CREB5: variants seen among roughly 807,000 people sequenced by gnomAD.
CREB5 encodes the protein cyclic AMP-responsive element-binding protein 5.
Under a neutral mutation model 57.1 loss-of-function variants are expected in CREB5, and 19 were observed. The ratio of observed to expected loss-of-function variants is 0.33; its 90% CI spans 0.23 to 0.49. The LOEUF (loss-of-function observed/expected upper bound fraction) is 0.49. Ranked by LOEUF, CREB5 falls within the 20% of genes least tolerant of loss-of-function variation. CREB5 has a pLI of 0.99. For synonymous variants in CREB5, 238 were observed against 238.3 expected, an observed-to-expected ratio of 1.00 and a Z score of 0.01; for missense variants, 579 against 671.6, an observed-to-expected ratio of 0.86 and a Z score of 1.52.
chr7:28,625,375 G>A (rs2128689022), intron 5 of CREB5, among the ~76,000 whole-genome samples: 1 of 152,274 alleles, frequency 6.6e-6, no homozygotes, highest in East Asian at 1.9e-4. Flanking sequence ...ACTACGGGAA[G>A]TGCAAAGGAC....
chr7:28,639,919 A>T (rs147180977), intron 5 of CREB5, among the ~76,000 whole-genome samples: 43 of 152,288 alleles, frequency 2.8e-4, no homozygotes, highest in African/African-American at 9.4e-4. Flanking sequence ...GCAAAAAATG[A>T]CGGCACACAC....
At chr7:28,385,951 T>A (rs1395097089) in intron 1 of CREB5, among the ~76,000 whole-genome samples, 1 of 152,042 alleles carries the variant, frequency 6.6e-6, no homozygotes, top group African/African-American at 2.4e-5. Flanking sequence ...AATGGCTCCA[T>A]CTTATCTGAT....
chr7:28,311,864 C>T (rs59145085), intron 1 of CREB5, among the ~76,000 whole-genome samples: 4,484 of 152,222 alleles, frequency 0.029, 203 homozygotes, highest in African/African-American at 0.098. Flanking sequence ...CTGTCTCTGC[C>T]GTCTGCACTC....
At chr7:28,575,404 C>T (rs1386087778) in intron 5 of CREB5, among the ~76,000 whole-genome samples, 1 of 152,126 alleles carries the variant, frequency 6.6e-6, no homozygotes, top group Non-Finnish European at 1.5e-5. Context: ...TTAAAGAAGA[C>T]CTAAATGACA....
At chr7:28,447,810 C>A (rs745710967) in intron 1 of CREB5, among the ~76,000 whole-genome samples, 11 of 152,184 alleles carry the variant, frequency 7.2e-5, no homozygotes, top group Non-Finnish European at 1.3e-4. Context: ...TCAGGCTTTC[C>A]CTTCTTCCCA....
chr7:28,686,053 C>A, intron 5 of CREB5: 1 of 1,411,254 alleles, frequency 7.1e-7, no homozygotes, highest in Non-Finnish European at 9.9e-7. Context: ...CAGCACATTA[C>A]ATCATCGCTT....
intron 1 of CREB5, among the ~76,000 whole-genome samples, chr7:28,366,437 C>T (rs1173146756): frequency 1.3e-5 from 2 of 152,076 alleles, no homozygotes; most frequent in African/African-American, 4.8e-5. Flanking sequence ...TGTGAGGATA[C>T]TACTACTTAT....
At chr7:28,349,410 AT>A (rs1457404384) in intron 1 of CREB5, among the ~76,000 whole-genome samples, 1 of 151,814 alleles carries the variant, frequency 6.6e-6, no homozygotes, top group Non-Finnish European at 1.5e-5. Context: ...TTAAAATTCA[AT>A]TTTTGATACA....
At chr7:28,672,360 CAT>C (rs1230615493) in intron 5 of CREB5, among the ~76,000 whole-genome samples, 1 of 151,990 alleles carries the variant, frequency 6.6e-6, no homozygotes, top group African/African-American at 2.4e-5. Flanking sequence ...CTTTGTAACA[CAT>C]ATAAATTGGT....
rs150146905 is a variant in CREB5 at position 28,809,081 on chromosome 7, C to T, written c.1027-106C>T. 7.9e-5 allele frequency: 80 copies of T among 1,018,462 alleles called. 1 individual carries two copies. In the East Asian group the frequency reaches 1.4e-3, roughly 18 times the overall value. The allele number at this position is 1,018,462 out of a possible 1,614,324, so 63.1% of individuals were successfully genotyped here. On this transcript the variant is annotated intron_variant, in intron 8 of 10. Coordinates refer to ENST00000357727, the MANE Select transcript of CREB5 (RefSeq NM_182898.4). ...GGCAAGTCTCATATGCTGACTGAAA[C>T]GATAGACTTTCTGTGCTTTGCTTTT...
In CREB5 at chr7:28,809,178, G is replaced by A; in HGVS notation, c.1027-9G>A. On this transcript the variant is annotated splice_polypyrimidine_tract_variant and intron_variant, in intron 8 of 10. Coordinates refer to ENST00000357727, the MANE Select transcript of CREB5 (RefSeq NM_182898.4). ...ATCCCCATCACCTCCTCCCTCTCTGGCCCAGCAGGTTTCACCAGCAACACA... is the reference window on the plus strand; with the variant it reads ...ATCCCCATCACCTCCTCCCTCTCTGACCCAGCAGGTTTCACCAGCAACACA... 7 of 1,604,512 alleles carry A rather than the reference G, an allele frequency of 4.4e-6. No individual in the cohort carries two copies. Among genetic ancestry groups the A allele is most frequent in the Non-Finnish European group, 6.0e-6 (7 of 1,174,236 alleles).
At position 28,816,597 on chromosome 7, in the gene CREB5, G is replaced by A. The variant is rs149758434; in HGVS notation, c.1255-1474G>A. On this transcript the variant is annotated intron_variant, in intron 9 of 10. Coordinates refer to ENST00000357727, the MANE Select transcript of CREB5 (RefSeq NM_182898.4). The stretch of plus-strand genomic sequence containing the variant: ...TTATTTTATTATTTTTGTTATTAAT[G>A]TTACTCAATATGTGGTTGCTTATAA... 4.9e-3 allele frequency among the ~76,000 whole-genome samples: 717 copies of A among 147,210 alleles called. 6 individuals are homozygous for A. The highest frequency in any genetic ancestry group is 0.016 in the African/African-American group (648 of 39,702).
chr7:28,808,712 C>CTTTTTTT lies in CREB5; in HGVS notation c.1027-452_1027-446dup, dbSNP rs59374546. Among the ~76,000 whole-genome samples the CTTTTTTT allele has an allele frequency of 5.8e-4, 48 of 83,198 alleles. 4 individuals are homozygous for CTTTTTTT. Among genetic ancestry groups the CTTTTTTT allele is most frequent in the Non-Finnish European group, 7.1e-4 (34 of 47,554 alleles). The allele number at this position is 83,198 out of a possible 152,430, so 54.6% of individuals were successfully genotyped here. On this transcript the variant is annotated intron_variant, in intron 8 of 10. Transcript: ENST00000357727. The stretch of plus-strand genomic sequence containing the variant: ...CGCCACCATGCCTGGCCAATTTTTC[C>CTTTTTTT]TTTTTTTTTTTTTTTTTTTTTTTTT...
At position 28,436,377 on chromosome 7, in the gene CREB5, G is replaced by A. The variant is rs576729538; in HGVS notation, c.3+23460G>A. On this transcript the variant is annotated intron_variant, in intron 1 of 10. Coordinates refer to ENST00000357727, the MANE Select transcript of CREB5 (RefSeq NM_182898.4). ...GTGTTTAGCCTGTGTGTGTTTGCCC[G>A]AAAACAGCAGTGTTGTTCCCTCCCC... 1.6e-4 allele frequency among the ~76,000 whole-genome samples: 24 copies of A among 152,202 alleles called. No homozygotes were observed. The East Asian group carries it at 2.3e-3, about 15-fold the overall frequency.
intron 4 of CREB5, among the ~76,000 whole-genome samples, chr7:28,548,244 C>G (rs1488480758): frequency 6.6e-6 from 1 of 152,138 alleles, no homozygotes; most frequent in Non-Finnish European, 1.5e-5. Context: ...ACGTGCAGCT[C>G]CATCTCCTCT....
chr7:28,424,980 C>T (rs1788439292), intron 1 of CREB5, among the ~76,000 whole-genome samples: 1 of 152,112 alleles, frequency 6.6e-6, no homozygotes, highest in South Asian at 2.1e-4. Context: ...TCCGACTAGA[C>T]AGTTCTTAAA....
chr7:28,678,731 C>A, intron 5 of CREB5, among the ~76,000 whole-genome samples: 1 of 152,152 alleles, frequency 6.6e-6, no homozygotes, highest in East Asian at 1.9e-4. Context: ...CTCAGGGGCC[C>A]AGTTAATAAA....
At chr7:28,477,676 A>G (rs1019188747) in intron 1 of CREB5, among the ~76,000 whole-genome samples, 1 of 152,166 alleles carries the variant, frequency 6.6e-6, no homozygotes, top group Non-Finnish European at 1.5e-5. Context: ...GGGTTCAAGG[A>G]AAAGGCCTTT....
chr7:28,720,521 A>G (rs1043905684), intron 6 of CREB5, among the ~76,000 whole-genome samples: 4 of 152,184 alleles, frequency 2.6e-5, no homozygotes, highest in Non-Finnish European at 5.9e-5. Flanking sequence ...CAGGTTGAGC[A>G]ATTTGCTCAT....
Sources: allele counts gnomAD v4.1 joint callset (sites outside exome capture counted in the v4.1 genomes callset), GRCh38; gene constraint gnomAD v4.1.1; transcripts MANE v1.5; gene names NCBI Gene and HGNC (gene_info 2026-07-23, HGNC 2026-07-21).